Variants in GAS7 observed in about 807,000 individuals in gnomAD.
The protein encoded by GAS7 is growth arrest specific 7.
GAS7 carries 28 observed loss-of-function variants against 71.1 expected under a neutral mutation model. The observed-to-expected ratio is 0.39, with a 90% confidence interval of 0.29 to 0.54. The LOEUF (loss-of-function observed/expected upper bound fraction) is 0.54, where lower values mean the gene tolerates loss of function less well. GAS7 is among the 20% of genes least tolerant of loss of function. The pLI is 0.62. For missense variants in GAS7, 436 were observed against 627.8 expected, an observed-to-expected ratio of 0.69 and a Z score of 3.27; for synonymous variants, 258 against 245.8, an observed-to-expected ratio of 1.05 and a Z score of -0.46.
intron 5 of GAS7, among the ~76,000 whole-genome samples, chr17:9,952,244 A>T (rs2069049450): frequency 6.6e-6 from 1 of 152,192 alleles, no homozygotes. Context: ...TTTGAGAACC[A>T]GCATTCGTGA....
chr17:9,921,810 T>A (rs2067820673), intron 11 of GAS7, among the ~76,000 whole-genome samples: 1 of 151,854 alleles, frequency 6.6e-6, no homozygotes, highest in Non-Finnish European at 1.5e-5. Context: ...ATATAAAAAA[T>A]TAGCCAGGCG....
At chr17:10,183,877 GCT>G (rs1477645574) in intron 1 of GAS7, among the ~76,000 whole-genome samples, 1 of 151,900 alleles carries the variant, frequency 6.6e-6, no homozygotes, top group African/African-American at 2.4e-5. Flanking sequence ...ACTTGCCTGG[GCT>G]CTCACACAGG....
chr17:10,185,780 T>A (rs1157174043), intron 1 of GAS7, among the ~76,000 whole-genome samples: 1 of 152,086 alleles, frequency 6.6e-6, no homozygotes, highest in African/African-American at 2.4e-5. Flanking sequence ...TCAGCTGGTG[T>A]CCACTGAAGA....
At chr17:10,050,810 A>G (rs2152235924) in intron 1 of GAS7, among the ~76,000 whole-genome samples, 1 of 152,110 alleles carries the variant, frequency 6.6e-6, no homozygotes, top group African/African-American at 2.4e-5. Context: ...TTTTTCCCCT[A>G]CATCATTGAG....
rs1456759939 is a variant in GAS7 at position 10,005,209 on chromosome 17, A to G, written c.304+14568T>C. On this transcript the variant is annotated intron_variant, in intron 2 of 13. Coordinates refer to ENST00000432992, the MANE Select transcript of GAS7 (RefSeq NM_201433.2). Reference sequence around the variant, plus strand: ...TATGTGCACGCATGCATGTGTGTGCATGTGCGCGTGTGCATGTATGTGTAT... The same window carrying G: ...TATGTGCACGCATGCATGTGTGTGCGTGTGCGCGTGTGCATGTATGTGTAT... 3.3e-3 allele frequency among the ~76,000 whole-genome samples: 396 copies of G among 118,666 alleles called. 3 individuals are homozygous for G. Among genetic ancestry groups the G allele is most frequent in the African/African-American group, 0.018 (375 of 20,614 alleles). The allele number at this position is 118,666 out of a possible 152,430, so 77.8% of individuals were successfully genotyped here. A position where few individuals can be genotyped will look rare whatever the true frequency, so the allele number is the denominator to read the frequency against.
At chr17:10,075,552 T>C (rs2073381133) in intron 1 of GAS7, among the ~76,000 whole-genome samples, 1 of 152,030 alleles carries the variant, frequency 6.6e-6, no homozygotes, top group Admixed American at 6.6e-5. Context: ...CCCAGCACTT[T>C]GGAAGGCCGA....
chr17:10,150,752 G>C (rs983581351), intron 1 of GAS7, among the ~76,000 whole-genome samples: 3 of 151,766 alleles, frequency 2.0e-5, no homozygotes, highest in African/African-American at 7.3e-5. Context: ...CTACCGCCCA[G>C]CTAATTTTAT....
At chr17:9,930,924 G>A (rs1407548105) in intron 9 of GAS7, among the ~76,000 whole-genome samples, 5 of 152,218 alleles carry the variant, frequency 3.3e-5, no homozygotes, top group Non-Finnish European at 7.3e-5. Flanking sequence ...TGCATGACGG[G>A]TCTTCATGAG....
At chr17:10,052,108 C>G (rs1265915108) in intron 1 of GAS7, among the ~76,000 whole-genome samples, 2 of 152,078 alleles carry the variant, frequency 1.3e-5, no homozygotes, top group Non-Finnish European at 2.9e-5. Context: ...CACACTGTCC[C>G]CCGATTCCTC....
chr17:10,138,245 G>A (rs550668921), intron 1 of GAS7, among the ~76,000 whole-genome samples: 59 of 152,154 alleles, frequency 3.9e-4, no homozygotes, highest in Middle Eastern at 3.4e-3. Flanking sequence ...GATTACAGGC[G>A]TGAGCCACCA....
At chr17:10,053,835 A>G (rs901906279) in intron 1 of GAS7, among the ~76,000 whole-genome samples, 1 of 152,160 alleles carries the variant, frequency 6.6e-6, no homozygotes, top group South Asian at 2.1e-4. Flanking sequence ...GAAAGTGACA[A>G]TAAGAGGTGC....
intron 4 of GAS7, among the ~76,000 whole-genome samples, chr17:9,968,559 C>T (rs991482131): frequency 1.4e-4 from 22 of 152,206 alleles, no homozygotes; most frequent in African/African-American, 4.8e-4. Context: ...TAATAACGTT[C>T]CCCCAAATTA....
At chr17:10,009,049 G>A (rs550903861) in intron 2 of GAS7, among the ~76,000 whole-genome samples, 4 of 152,180 alleles carry the variant, frequency 2.6e-5, no homozygotes, top group South Asian at 4.1e-4. Context: ...GGCCGGGCGC[G>A]GTGGCTCACG....
At chr17:10,165,847 C>T (rs2074290008) in intron 1 of GAS7, among the ~76,000 whole-genome samples, 1 of 152,126 alleles carries the variant, frequency 6.6e-6, no homozygotes, top group Admixed American at 6.5e-5. Flanking sequence ...TTCAGACATC[C>T]TTTCACCTTG....
At chr17:10,083,778 T>C (rs1019087452) in intron 1 of GAS7, among the ~76,000 whole-genome samples, 5 of 152,126 alleles carry the variant, frequency 3.3e-5, no homozygotes, top group African/African-American at 4.8e-5. Context: ...TGCTGATTGG[T>C]TTGTGAGTAT....
intron 1 of GAS7, among the ~76,000 whole-genome samples, chr17:10,100,170 G>A (rs1460645387): frequency 2.6e-5 from 4 of 152,246 alleles, no homozygotes; most frequent in Non-Finnish European, 5.9e-5. Flanking sequence ...ATTGATACAC[G>A]GCTCTTTACA....
intron 1 of GAS7, among the ~76,000 whole-genome samples, chr17:10,033,268 A>G (rs977173423): frequency 1.3e-5 from 2 of 152,106 alleles, no homozygotes; most frequent in African/African-American, 4.8e-5. Flanking sequence ...TTGCTGGTCA[A>G]CTTCCCTTTG....
chr17:10,150,605 T>TTTTTTTC (rs2074158169), intron 1 of GAS7, among the ~76,000 whole-genome samples: 1 of 149,838 alleles, frequency 6.7e-6, no homozygotes, highest in African/African-American at 2.5e-5. Context: ...TTTTTTTTTT[T>TTTTTTTC]TTAGACAGGG....
chr17:10,087,614 C>T (rs2152254477), intron 1 of GAS7, among the ~76,000 whole-genome samples: 1 of 152,296 alleles, frequency 6.6e-6, no homozygotes, highest in Non-Finnish European at 1.5e-5. Context: ...GGGACTGAAG[C>T]AGTAAGCGTC....
Sources: gnomAD v4.1 joint callset for allele counts (sites outside exome capture counted in the v4.1 genomes callset) on GRCh38, gnomAD v4.1.1 for gene constraint, MANE v1.5 for transcripts, NCBI Gene and HGNC (gene_info 2026-07-23, HGNC 2026-07-21) for gene names.